MTF2: variants seen among roughly 807,000 people sequenced by gnomAD.
MTF2 encodes metal-response element-binding transcription factor 2.
A neutral mutation model predicts 79.5 loss-of-function variants in MTF2; 11 were observed. The ratio of observed to expected loss-of-function variants is 0.14; its 90% confidence interval spans 0.09 to 0.23. The LOEUF (loss-of-function observed/expected upper bound fraction) is 0.23, where lower values mean the gene tolerates loss of function less well. Among genes scored for constraint, MTF2 ranks in the 10% least tolerant of loss-of-function variants. The probability of loss-of-function intolerance (pLI) is 1.00; values close to 1 mark genes in which losing one functional copy is unlikely to be tolerated. For synonymous variants in MTF2, 208 were observed against 232.8 expected, an observed-to-expected ratio of 0.89 and a Z score of 0.97; for missense variants, 486 against 711.2, an observed-to-expected ratio of 0.68 and a Z score of 3.60.
chr1:93,115,746 G>A, intron 6 of MTF2, 128 bp downstream of exon 6: 1 of 622,678 alleles, frequency 1.6e-6, no homozygotes, highest in Non-Finnish European at 2.4e-6. Context: ...AAACCAGGGG[G>A]AAAATCTATT....
intron 1 of MTF2, among the ~76,000 whole-genome samples, chr1:93,085,035 T>C (rs1654778157): frequency 1.3e-5 from 2 of 152,228 alleles, no homozygotes; most frequent in South Asian, 4.1e-4. Context: ...TGAGGATTTT[T>C]TGATAGTAGT....
intron 1 of MTF2, among the ~76,000 whole-genome samples, chr1:93,088,481 G>C (rs1654938291): frequency 6.6e-6 from 1 of 152,072 alleles, no homozygotes; most frequent in Non-Finnish European, 1.5e-5. Context: ...AAAAAAATCA[G>C]ATATATTTTT....
chr1:93,095,655 CTTTT>C (rs111973268), intron 1 of MTF2, among the ~76,000 whole-genome samples: 3 of 118,732 alleles, frequency 2.5e-5, no homozygotes, highest in African/African-American at 3.2e-5. Flanking sequence ...TTTCTCTGTT[CTTTT>C]TTTTTTTTTT....
intron 14 of MTF2, among the ~76,000 whole-genome samples, chr1:93,135,414 A>G (rs1434974633): frequency 6.6e-6 from 1 of 152,186 alleles, no homozygotes; most frequent in Non-Finnish European, 1.5e-5. Context: ...AAATTATGCA[A>G]AATTCTACAT....
At chr1:93,123,061 T>C (rs1345628045) in intron 9 of MTF2, among the ~76,000 whole-genome samples, 1 of 152,072 alleles carries the variant, frequency 6.6e-6, no homozygotes, top group Non-Finnish European at 1.5e-5. Context: ...TTAACAAAAA[T>C]TTACTTTTGT....
intron 1 of MTF2, among the ~76,000 whole-genome samples, chr1:93,083,433 A>G (rs1407230416): frequency 6.6e-6 from 1 of 152,214 alleles, no homozygotes; most frequent in Non-Finnish European, 1.5e-5. Flanking sequence ...ATTTCATTAT[A>G]TGAATATACC....
At position 93,109,628 on chromosome 1, in the gene MTF2, C is replaced by T. The variant is rs1655952618; in HGVS notation, c.6-602C>T. 2.0e-5 allele frequency among the ~76,000 whole-genome samples: 3 copies of T among 152,326 alleles called. No individual in the cohort carries two copies. In the South Asian group the frequency reaches 6.2e-4, roughly 32 times the overall value. On this transcript the variant is annotated intron_variant, in intron 1 of 14. Coordinates refer to ENST00000370298, the MANE Select transcript of MTF2 (RefSeq NM_007358.4). ...GGGATTACAGGCATGAGCCACCGCA[C>T]CTGGCCTTATAGTGTACTATTTGTC...
chr1:93,101,975 C>T (rs574842226), intron 1 of MTF2, among the ~76,000 whole-genome samples: 48 of 152,156 alleles, frequency 3.2e-4, no homozygotes, highest in Admixed American at 9.2e-4. Context: ...ACTATATGCC[C>T]GTTGTATAAC....
At chr1:93,094,892 A>G (rs1655218290) in intron 1 of MTF2, among the ~76,000 whole-genome samples, 1 of 152,220 alleles carries the variant, frequency 6.6e-6, no homozygotes, top group Non-Finnish European at 1.5e-5. Context: ...CTCTATTTTC[A>G]GCTGGCACCT....
chr1:93,135,586 C>A (rs2101101724), intron 14 of MTF2, among the ~76,000 whole-genome samples: 1 of 152,228 alleles, frequency 6.6e-6, no homozygotes, highest in East Asian at 1.9e-4. Context: ...ATAATCCCAG[C>A]ACTTTGGGAG....
intron 11 of MTF2, among the ~76,000 whole-genome samples, chr1:93,129,865 T>A (rs1656848975): frequency 6.6e-6 from 1 of 152,086 alleles, no homozygotes. Context: ...CCTGATGGGG[T>A]TTACAAAGGT....
At chr1:93,092,389 A>G (rs1336920944) in intron 1 of MTF2, among the ~76,000 whole-genome samples, 4 of 152,300 alleles carry the variant, frequency 2.6e-5, no homozygotes, top group Admixed American at 1.3e-4. Flanking sequence ...GTAAATTTGG[A>G]ATATTTAATG....
At chr1:93,135,208 GTGATCCACC>G (rs1647337037) in intron 14 of MTF2, among the ~76,000 whole-genome samples, 1 of 152,170 alleles carries the variant, frequency 6.6e-6, no homozygotes, top group African/African-American at 2.4e-5. Flanking sequence ...CTAATCTCAA[GTGATCCACC>G]TGCCTCGGCC....
chr1:93,116,182 G>A (rs769020271), intron 6 of MTF2, among the ~76,000 whole-genome samples: 1 of 151,896 alleles, frequency 6.6e-6, no homozygotes, highest in African/African-American at 2.4e-5. Context: ...CTCAGCCTCC[G>A]AAGTAGCTAG....
intron 1 of MTF2, among the ~76,000 whole-genome samples, chr1:93,105,440 A>G (rs572015346): frequency 6.6e-6 from 1 of 152,316 alleles, no homozygotes; most frequent in East Asian, 1.9e-4. Context: ...GATTTATTGA[A>G]TGCTGGCTCT....
rs1002763702 is a variant in MTF2 at position 93,138,198 on chromosome 1, T to A, written c.*1171T>A. 7 of 152,186 alleles carry A rather than the reference T, an allele frequency of 4.6e-5. No individual in the cohort carries two copies. Among genetic ancestry groups the A allele is most frequent in the African/African-American group, 1.7e-4 (7 of 41,454 alleles). 9.4% of individuals were successfully genotyped at this position (152,186 alleles called of 1,614,324 possible). ...TTATAAAGTGTACCAAGATTTAAATTGATAACTTTATTTTACTTGTAAAAA... is the reference window on the plus strand; with the variant it reads ...TTATAAAGTGTACCAAGATTTAAATAGATAACTTTATTTTACTTGTAAAAA... On this transcript the variant is annotated 3_prime_UTR_variant, in exon 15 of 15. Transcript: ENST00000370298.
chr1:93,115,023 T>A lies in MTF2; in HGVS notation c.418T>A (p.Ser140Thr), dbSNP rs372072793. ...HQLCHTPHID[S>T]SVIDSDEKWL... ...GTTGTGTCACACACCTCATATTGAT[T>A]CCAGTGTGATTGATTCAGATGAAAA... Residue 140 changes from serine to threonine, a missense_variant, in exon 5 of 15, where the codon TCC becomes ACC. Ser to Thr is a moderately conservative substitution (Grantham distance 58). Transcript: ENST00000370298. 64 of 1,610,982 alleles carry A rather than the reference T, an allele frequency of 4.0e-5. No individual in the cohort carries two copies. The highest frequency in any genetic ancestry group is 4.8e-5 in the Non-Finnish European group (57 of 1,177,520).
chr1:93,110,159 T>A, intron 1 of MTF2, 71 bp from the exon 2 acceptor site: 2 of 1,396,284 alleles, frequency 1.4e-6, no homozygotes, highest in Non-Finnish European at 2.0e-6. Context: ...GATTAACATA[T>A]AAAATATCCC....
At position 93,110,397 on chromosome 1, in the gene MTF2, A is replaced by T; in HGVS notation, c.173A>T (p.Asp58Val). 6.2e-7 allele frequency: 1 copy of T among 1,614,208 alleles called. No homozygotes were observed. The highest frequency in any genetic ancestry group is 8.5e-7 in the Non-Finnish European group (1 of 1,180,030). The change falls in exon 2 of 15, where the codon GAT becomes GTT. Residue 58 changes from aspartate (D) to valine (V), a missense_variant. Asp to Val is a radical substitution (Grantham distance 152). This residue lies in a region of MTF2 where 75 missense variants were observed against 83.8 expected (regional missense o/e 0.89). Transcript: ENST00000370298. ...EGQDVLARWSDGLFYLGTIKK... is the reference protein window; with the variant it reads ...EGQDVLARWSVGLFYLGTIKK... ...CAGGATGTCCTAGCTAGATGGTCAG[A>T]TGGCTTGTTTTATCTTGGCACTATC... is the stretch of plus-strand genomic sequence containing the variant.
Sources: gnomAD v4.1 joint callset for allele counts (sites outside exome capture counted in the v4.1 genomes callset) on GRCh38, gnomAD v4.1.1 for gene constraint, gnomAD v4.1.1 regional missense constraint, MANE v1.5 for transcripts, NCBI Gene and HGNC (gene_info 2026-07-23, HGNC 2026-07-21) for gene names.